CRY2: variants seen among roughly 807,000 people sequenced by gnomAD.
The protein encoded by CRY2 is cryptochrome-2.
In CRY2, 31 loss-of-function variants were observed where a neutral mutation model predicts 69.5. The ratio of observed to expected loss-of-function variants is 0.45; its 90% CI spans 0.34 to 0.60. The LOEUF (loss-of-function observed/expected upper bound fraction) is 0.60, where lower values mean the gene tolerates loss of function less well. Among genes scored for constraint, CRY2 ranks in the 20% least tolerant of loss-of-function variants. The pLI is 0.02. For synonymous variants in CRY2, 303 were observed against 312.2 expected, an observed-to-expected ratio of 0.97 and a Z score of 0.31; for missense variants, 606 against 797.8, an observed-to-expected ratio of 0.76 and a Z score of 2.90.
intron 11 of CRY2, among the ~76,000 whole-genome samples, chr11:45,880,524 AT>A (rs1189388665): frequency 4.0e-5 from 6 of 151,856 alleles, no homozygotes; most frequent in Non-Finnish European, 7.4e-5. Flanking sequence ...TCTTCCAGCC[AT>A]TTTTTCCTGA....
chr11:45,871,706 A>G (rs567684956), intron 10 of CRY2, among the ~76,000 whole-genome samples: 7 of 152,368 alleles, frequency 4.6e-5, no homozygotes, highest in Admixed American at 4.6e-4. Flanking sequence ...TGGCCCAGCT[A>G]GGCTGCCTCC....
intron 5 of CRY2, among the ~76,000 whole-genome samples, chr11:45,863,144 G>A (rs1179235155): frequency 1.3e-5 from 2 of 152,184 alleles, no homozygotes; most frequent in South Asian, 2.1e-4. Flanking sequence ...AGCCTGGGAC[G>A]AAAGCAAGCC....
chr11:45,859,134 A>G, intron 3 of CRY2, among the ~76,000 whole-genome samples: 1 of 152,002 alleles, frequency 6.6e-6, no homozygotes, highest in Non-Finnish European at 1.5e-5. Flanking sequence ...GGTATTTACA[A>G]ATCTGCTCCT....
chr11:45,867,409 G>A (rs1460193178), intron 5 of CRY2: 4 of 588,446 alleles, frequency 6.8e-6, no homozygotes, highest in Non-Finnish European at 1.2e-5. Context: ...ACAAATTAAA[G>A]AGCAAGTCAG....
chr11:45,851,231 GT>G lies in CRY2; in HGVS notation c.215+3528del, dbSNP rs377091404. ...TCTCCCCACTGCAACTTGGATAGGT[GT>G]TAGCAACAGTTCCTCTTCCACTTTA... On this transcript the variant is annotated intron_variant, in intron 1 of 11. Coordinates refer to ENST00000616080, the MANE Select transcript of CRY2 (RefSeq NM_021117.5). 4.5e-3 allele frequency among the ~76,000 whole-genome samples: 689 copies of G among 152,312 alleles called. 10 individuals are homozygous for G. The highest frequency in any genetic ancestry group is 0.016 in the African/African-American group (655 of 41,560).
intron 11 of CRY2, among the ~76,000 whole-genome samples, chr11:45,872,974 C>G (rs1470023361): frequency 6.6e-6 from 1 of 152,184 alleles, no homozygotes; most frequent in Non-Finnish European, 1.5e-5. Context: ...GCCTGAGGAC[C>G]AGTAGACCCA....
At chr11:45,877,868 G>C (rs1035614849) in intron 11 of CRY2, among the ~76,000 whole-genome samples, 40 of 152,286 alleles carry the variant, frequency 2.6e-4, no homozygotes, top group African/African-American at 9.6e-4. Context: ...ACAGGCCTTT[G>C]GCTAGCTTTG....
rs1489920460 is a variant in CRY2 at position 45,858,713 on chromosome 11, C to T, written c.325-18C>T. 1.9e-6 allele frequency: 3 copies of T among 1,609,844 alleles called. No homozygotes were observed. The East Asian group carries it at 6.7e-5, about 36-fold the overall frequency. On this transcript the variant is annotated intron_variant, in intron 2 of 11. Coordinates refer to ENST00000616080, the MANE Select transcript of CRY2 (RefSeq NM_021117.5). ...TCCCCAAACACAGTGTTGAGCATAA[C>T]AGATCCTCTCCCCACAGGAATGGGG...
At chr11:45,870,755 TCCCCA>T in intron 9 of CRY2, 82 bp from the exon 10 acceptor site, 1 of 1,232,284 alleles carries the variant, frequency 8.1e-7, no homozygotes. Context: ...GCTCCTACCC[TCCCCA>T]CCCCCACTTG....
Position 45,882,068 on chromosome 11 carries a change from A to G in CRY2, c.*1157A>G, listed in dbSNP as rs1002902982. 3 of 152,286 alleles carry G rather than the reference A, an allele frequency of 2.0e-5. No homozygotes were observed. Among genetic ancestry groups the G allele is most frequent in the African/African-American group, 7.2e-5 (3 of 41,460 alleles). 9.4% of individuals were successfully genotyped at this position (152,286 alleles called of 1,614,324 possible). ...AAGTAGAGATTACACCCAGAACACC[A>G]TTCCTTCCAGGAGCAGTAGGTGGGA... On this transcript the variant is annotated 3_prime_UTR_variant, in exon 12 of 12. Transcript: ENST00000616080.
intron 1 of CRY2, among the ~76,000 whole-genome samples, chr11:45,848,549 C>T (rs1020539308): frequency 4.6e-5 from 7 of 152,154 alleles, no homozygotes; most frequent in African/African-American, 9.7e-5. Context: ...TCAAGGGCCC[C>T]TCTGATGACC....
chr11:45,847,436 G>T (rs1430211810), upstream of CRY2: 2 of 1,592,976 alleles, frequency 1.3e-6, no homozygotes, highest in South Asian at 1.1e-5. Context: ...CTATGGGCGG[G>T]GTCCACGTCG....
At chr11:45,854,236 G>T (rs1243767050) in intron 1 of CRY2, among the ~76,000 whole-genome samples, 1 of 152,248 alleles carries the variant, frequency 6.6e-6, no homozygotes, top group African/African-American at 2.4e-5. Flanking sequence ...TGTGACATAT[G>T]CAGATTGACC....
intron 1 of CRY2, among the ~76,000 whole-genome samples, chr11:45,852,567 C>G (rs975475731): frequency 5.3e-5 from 8 of 152,202 alleles, no homozygotes; most frequent in African/African-American, 1.7e-4. Context: ...CTCCTCACAT[C>G]CCTGTCTATT....
At chr11:45,864,247 A>G (rs2086311975) in intron 5 of CRY2, among the ~76,000 whole-genome samples, 1 of 152,224 alleles carries the variant, frequency 6.6e-6, no homozygotes, top group Non-Finnish European at 1.5e-5. Flanking sequence ...GATGGCCTGG[A>G]TTCTTTCCCA....
At chr11:45,856,189 A>G (rs1302409401) in intron 2 of CRY2, 99 bp downstream of exon 2, 2 of 1,023,322 alleles carry the variant, frequency 2.0e-6, no homozygotes, top group Non-Finnish European at 3.0e-6. Context: ...GAATGGAAAC[A>G]TCAGGGCTGG....
At chr11:45,847,356 C>T (rs1590758607), upstream of CRY2, 5 of 1,598,946 alleles carry the variant, frequency 3.1e-6, no homozygotes, top group African/African-American at 1.3e-5. Flanking sequence ...CAGCCAATGG[C>T]AGAGGGGCTC....
intron 10 of CRY2, 45 bp from the exon 11 acceptor site, chr11:45,872,047 G>A (rs2086387425): frequency 6.2e-7 from 1 of 1,604,648 alleles, no homozygotes; most frequent in Admixed American, 1.7e-5. Flanking sequence ...GATCATTTTG[G>A]CTGCATGCAC....
intron 5 of CRY2, among the ~76,000 whole-genome samples, chr11:45,864,756 T>C (rs1241617064): frequency 6.6e-6 from 1 of 151,742 alleles, no homozygotes; most frequent in African/African-American, 2.4e-5. Flanking sequence ...TAATCCCAGC[T>C]ACTTGGGAGG....
Sources: allele counts gnomAD v4.1 joint callset (sites outside exome capture counted in the v4.1 genomes callset), GRCh38; gene constraint gnomAD v4.1.1; transcripts MANE v1.5; gene names NCBI Gene and HGNC (gene_info 2026-07-23, HGNC 2026-07-21).